Variants in EVC observed in about 807,000 individuals in gnomAD.
EVC encodes EvC ciliary complex subunit 1.
In EVC, 116 loss-of-function variants were observed where a neutral mutation model predicts 118.9. The ratio of observed to expected loss-of-function variants is 0.98; its 90% CI spans 0.84 to 1.14. The LOEUF (loss-of-function observed/expected upper bound fraction) is 1.14. Among genes scored for constraint, EVC ranks in the 50% most tolerant of loss-of-function variants. The probability of loss-of-function intolerance (pLI) is 0.00; values close to 1 mark genes in which losing one functional copy is unlikely to be tolerated. For missense variants in EVC, 1,401 were observed against 1,246.4 expected, an observed-to-expected ratio of 1.12 and a Z score of -1.87; for synonymous variants, 619 against 534.7, an observed-to-expected ratio of 1.16 and a Z score of -2.18.
intron 12 of EVC, among the ~76,000 whole-genome samples, chr4:5,784,709 G>A (rs1267909356): frequency 1.4e-5 from 2 of 147,790 alleles, no homozygotes; most frequent in Non-Finnish European, 3.0e-5. Flanking sequence ...CCAGGTTCAA[G>A]CGATTCTCCT....
At position 5,731,245 on chromosome 4, in the gene EVC, G is replaced by T. The variant is rs1726760046; in HGVS notation, c.385-180G>T. Among the ~76,000 whole-genome samples, 1 of 151,996 alleles carries T rather than the reference G, an allele frequency of 6.6e-6. No individual in the cohort carries two copies. Among genetic ancestry groups the T allele is most frequent in the Non-Finnish European group, 1.5e-5 (1 of 67,998 alleles). On this transcript the variant is annotated intron_variant, in intron 3 of 20. Transcript: ENST00000264956. The surrounding 1 kb of genome is among the most constrained non-coding windows in gnomAD (Gnocchi z 5.6). ...AGTGAACTGTGATTCGGGCCTCTGG[G>T]CTGTCGATGTGGCAGAACCTGGGAC...
chr4:5,744,974 T>G (rs1729137623), intron 6 of EVC, among the ~76,000 whole-genome samples: 1 of 151,836 alleles, frequency 6.6e-6, no homozygotes, highest in Non-Finnish European at 1.5e-5. Flanking sequence ...TCTAGTTTTT[T>G]TTTTTTTTTT....
intron 1 of EVC, among the ~76,000 whole-genome samples, chr4:5,716,802 AG>A (rs1389221097): frequency 1.3e-5 from 2 of 152,186 alleles, no homozygotes; most frequent in African/African-American, 4.8e-5. Flanking sequence ...GCCCTTAAAA[AG>A]GGGGGACTCT....
the EVC span, chr4:5,828,809 GTAA>G: frequency 9.5e-7 from 1 of 1,056,222 alleles, no homozygotes; most frequent in Non-Finnish European, 1.3e-6. Context: ...TTTATTGACT[GTAA>G]TATTCCACTG....
At position 5,737,935 on chromosome 4, in the gene EVC, G is replaced by T. The variant is rs531024002; in HGVS notation, c.703-3781G>T. Among the ~76,000 whole-genome samples, 53 of 152,112 alleles carry T rather than the reference G, an allele frequency of 3.5e-4. No homozygotes were observed. The highest frequency in any genetic ancestry group is 6.0e-4 in the Non-Finnish European group (41 of 68,030). On this transcript the variant is annotated intron_variant, in intron 5 of 20. Transcript: ENST00000264956. This position sits in a 1 kb window ranked among gnomAD's most constrained non-coding sequence, Gnocchi z 5.0. ...CCTAAGGCTCTAACTGCCATACATA[G>T]TGATTCCTCTGAAGGATTTGAACAA... is the stretch of plus-strand genomic sequence containing the variant.
chr4:5,735,738 G>T (rs1163468667), intron 5 of EVC, among the ~76,000 whole-genome samples: 1 of 151,966 alleles, frequency 6.6e-6, no homozygotes, highest in Non-Finnish European at 1.5e-5. Flanking sequence ...CCTGGACAAG[G>T]TCTGTGTGAG....
chr4:5,803,608 A>G (rs1715373927), intron 16 of EVC, among the ~76,000 whole-genome samples: 1 of 152,196 alleles, frequency 6.6e-6, no homozygotes, highest in South Asian at 2.1e-4. Context: ...CCCAGCTCTC[A>G]TGCAGGGATT....
chr4:5,825,668 AG>A, the EVC span: 1 of 1,612,206 alleles, frequency 6.2e-7, no homozygotes, highest in African/African-American at 1.3e-5. This position sits in a 1 kb window ranked among gnomAD's most constrained non-coding sequence, Gnocchi z 4.4. Flanking sequence ...ACCTAAACAG[AG>A]GAAGGGAGAG....
At chr4:5,744,186 T>C (rs940737152) in intron 6 of EVC, among the ~76,000 whole-genome samples, 2 of 152,220 alleles carry the variant, frequency 1.3e-5, no homozygotes, top group African/African-American at 4.8e-5. Flanking sequence ...AGGACAAGCC[T>C]GGCACTGCCC....
Position 5,808,353 on chromosome 4 carries a change from CA to C in EVC, c.2688+30del, listed in dbSNP as rs748137858. 4 of 1,614,092 alleles carry C rather than the reference CA, an allele frequency of 2.5e-6. No homozygotes were observed. In the East Asian group the frequency reaches 8.9e-5, roughly 36 times the overall value. On this transcript the variant is annotated intron_variant, in intron 18 of 20. Transcript: ENST00000264956. ...GTACAAGTTACAGAACTGGACCTTCCAAAAGCAGTGGTTTAAAGAGGAGCAG... is the reference window on the plus strand; with the variant it reads ...GTACAAGTTACAGAACTGGACCTTCCAAAGCAGTGGTTTAAAGAGGAGCAG...
intron 8 of EVC, among the ~76,000 whole-genome samples, chr4:5,752,489 C>T (rs1212522053): frequency 6.6e-6 from 1 of 152,146 alleles, no homozygotes; most frequent in Non-Finnish European, 1.5e-5. Flanking sequence ...GCCAGATTGG[C>T]CGGGGGAGAT....
intron 11 of EVC, among the ~76,000 whole-genome samples, chr4:5,782,359 G>A (rs2152282580): frequency 6.7e-6 from 1 of 149,224 alleles, no homozygotes; most frequent in South Asian, 2.1e-4. Flanking sequence ...ACAAGCGTGA[G>A]CCACCATGCG....
At chr4:5,717,397 G>T (rs768259931) in intron 1 of EVC, among the ~76,000 whole-genome samples, 2 of 151,934 alleles carry the variant, frequency 1.3e-5, no homozygotes, top group Non-Finnish European at 2.9e-5. Flanking sequence ...GTTTGTTTTG[G>T]ATTTTATCTT....
intron 11 of EVC, among the ~76,000 whole-genome samples, chr4:5,765,481 C>G (rs1164190832): frequency 3.3e-5 from 4 of 119,574 alleles, no homozygotes; most frequent in Admixed American, 7.7e-5. Flanking sequence ...TCTCATTGAT[C>G]TGTCTAATGT....
chr4:5,827,733 G>GCACACAGACACA, the EVC span, among the ~76,000 whole-genome samples: 96 of 138,328 alleles, frequency 6.9e-4, no homozygotes, highest in African/African-American at 2.7e-3. Context: ...ATGTGCGCGT[G>GCACACAGACACA]CACACACACA....
At chr4:5,761,245 C>T (rs1731962586) in intron 11 of EVC, among the ~76,000 whole-genome samples, 1 of 152,038 alleles carries the variant, frequency 6.6e-6, no homozygotes, top group Non-Finnish European at 1.5e-5. Context: ...AATGCCTCCC[C>T]GCCTGCTCCA....
At chr4:5,720,299 T>G (rs182402183) in intron 2 of EVC, among the ~76,000 whole-genome samples, 20 of 152,286 alleles carry the variant, frequency 1.3e-4, no homozygotes, top group Admixed American at 2.6e-4. Context: ...CGTGCCCTTC[T>G]CTCAGCAGCC....
intron 16 of EVC, among the ~76,000 whole-genome samples, chr4:5,802,855 G>A (rs538814807): frequency 1.3e-5 from 2 of 152,282 alleles, no homozygotes; most frequent in African/African-American, 4.8e-5. Context: ...GTTTCTAACA[G>A]GCCAGGGACC....
At chr4:5,720,700 C>G (rs188471253) in intron 2 of EVC, among the ~76,000 whole-genome samples, 1 of 152,278 alleles carries the variant, frequency 6.6e-6, no homozygotes, top group African/African-American at 2.4e-5. Flanking sequence ...CCTTGGCCAA[C>G]GTGGACGGGG....
Sources: allele counts gnomAD v4.1 joint callset (sites outside exome capture counted in the v4.1 genomes callset), GRCh38; gene constraint gnomAD v4.1.1; non-coding constraint Gnocchi (gnomAD v3.1); transcripts MANE v1.5; gene names NCBI Gene and HGNC (gene_info 2026-07-23, HGNC 2026-07-21).